Variants in SYN3 observed in about 807,000 individuals in gnomAD.
SYN3 encodes synapsin III.
In SYN3, 35 loss-of-function variants were observed where a neutral mutation model predicts 65.8. The observed-to-expected ratio is 0.53, with a 90% CI of 0.41 to 0.70. The LOEUF is 0.70. SYN3 is among the 30% of genes least tolerant of loss of function. The probability of loss-of-function intolerance (pLI) is 0.00; values close to 1 mark genes in which losing one functional copy is unlikely to be tolerated. For synonymous variants in SYN3, 270 were observed against 292.9 expected (o/e 0.92, Z 0.80); for missense variants, 680 against 749.0 (o/e 0.91, Z 1.08).
intron 10 of SYN3, among the ~76,000 whole-genome samples, chr22:32,531,857 G>C (rs2058076342): frequency 6.8e-6 from 1 of 147,808 alleles, no homozygotes; most frequent in Non-Finnish European, 1.5e-5. Flanking sequence ...GAACATTCTT[G>C]GGAGACGTTG....
intron 6 of SYN3, among the ~76,000 whole-genome samples, chr22:32,635,981 A>G (rs950265985): frequency 2.0e-5 from 3 of 152,140 alleles, no homozygotes; most frequent in Non-Finnish European, 2.9e-5. Flanking sequence ...AACTCTACAT[A>G]CGTATTTTTT....
chr22:32,805,650 A>G (rs931092086), intron 6 of SYN3, among the ~76,000 whole-genome samples: 1 of 101,544 alleles, frequency 9.8e-6, no homozygotes, highest in African/African-American at 3.9e-5. Flanking sequence ...CAGCAACCTT[A>G]AGAGTAGGTA....
chr22:32,813,780 G>A (rs2046980845), intron 6 of SYN3, among the ~76,000 whole-genome samples: 1 of 151,786 alleles, frequency 6.6e-6, no homozygotes, highest in South Asian at 2.1e-4. Flanking sequence ...CTAGTTGCCT[G>A]TCCCTGGACA....
At chr22:32,679,489 A>G (rs2060493190) in intron 6 of SYN3, among the ~76,000 whole-genome samples, 3 of 152,194 alleles carry the variant, frequency 2.0e-5, no homozygotes, top group Admixed American at 2.0e-4. Flanking sequence ...TTTTGGATAT[A>G]TATCCAGAAG....
chr22:32,992,518 A>C (rs1239766355), intron 2 of SYN3, among the ~76,000 whole-genome samples: 1 of 152,168 alleles, frequency 6.6e-6, no homozygotes. Flanking sequence ...ACACCACTTA[A>C]AAAATTCATC....
chr22:32,950,829 C>T (rs564910824), intron 3 of SYN3, among the ~76,000 whole-genome samples: 7 of 152,180 alleles, frequency 4.6e-5, no homozygotes, highest in African/African-American at 1.2e-4. Context: ...GGTGATTTGC[C>T]GTTCCTCCTT....
At chr22:32,670,516 C>T (rs130738) in intron 6 of SYN3, among the ~76,000 whole-genome samples, 94,632 of 152,110 alleles carry the variant, frequency 0.62, 29,980 homozygotes, top group African/African-American at 0.74. Context: ...GGATCCTCTG[C>T]TGTCTTTTAA....
chr22:32,986,424 TGTTTACTGCA>T (rs1271589982), intron 2 of SYN3, among the ~76,000 whole-genome samples: 9 of 152,308 alleles, frequency 5.9e-5, no homozygotes, highest in African/African-American at 2.2e-4. Context: ...ATCTCTGGAA[TGTTTACTGCA>T]GGGCCTGGCA....
intron 3 of SYN3, among the ~76,000 whole-genome samples, chr22:32,945,923 C>T (rs528592874): frequency 2.8e-4 from 43 of 152,250 alleles, no homozygotes; most frequent in African/African-American, 9.9e-4. Context: ...TTTATGCAGC[C>T]AACAGACACA....
At chr22:32,820,290 T>TG (rs1485164263) in intron 6 of SYN3, among the ~76,000 whole-genome samples, 2 of 144,656 alleles carry the variant, frequency 1.4e-5, no homozygotes, top group Non-Finnish European at 3.1e-5. Context: ...GTGTGTGTGG[T>TG]GTGTGTGGTG....
chr22:33,043,039 T>C (rs1037059146), intron 1 of SYN3, among the ~76,000 whole-genome samples: 12 of 152,160 alleles, frequency 7.9e-5, no homozygotes, highest in Admixed American at 2.0e-4. Flanking sequence ...ATAGAAAGTT[T>C]CAACCCAAGG....
intron 7 of SYN3, among the ~76,000 whole-genome samples, chr22:32,569,588 T>A (rs13055183): frequency 0.016 from 1,785 of 109,824 alleles, 29 homozygotes; most frequent in Non-Finnish European, 0.028. Flanking sequence ...TATATATATA[T>A]AAAATCTATC....
intron 6 of SYN3, among the ~76,000 whole-genome samples, chr22:32,697,123 A>C (rs1385806079): frequency 1.3e-5 from 2 of 152,216 alleles, no homozygotes; most frequent in African/African-American, 4.8e-5. Context: ...ACATGTATGA[A>C]GGAGCCTGCC....
At chr22:32,583,221 T>C (rs1364087560) in intron 7 of SYN3, 2 of 152,258 alleles carry the variant, frequency 1.3e-5, no homozygotes, top group Admixed American at 6.5e-5. Context: ...GTCTGCATCA[T>C]CTGTGGTCTT....
intron 6 of SYN3, among the ~76,000 whole-genome samples, chr22:32,831,265 G>A (rs74530962): frequency 6.5e-4 from 99 of 152,312 alleles, no homozygotes; most frequent in African/African-American, 2.2e-3. Context: ...AGCCATCCAA[G>A]GTGCTCTGCC....
intron 12 of SYN3, among the ~76,000 whole-genome samples, chr22:32,521,641 T>G (rs2057885489): frequency 6.6e-6 from 1 of 151,876 alleles, no homozygotes; most frequent in African/African-American, 2.4e-5. Flanking sequence ...AGAGACAGGG[T>G]TTCCCCATAT....
chr22:32,587,612 C>T (rs2146536329), intron 7 of SYN3, among the ~76,000 whole-genome samples: 1 of 152,306 alleles, frequency 6.6e-6, no homozygotes, highest in East Asian at 1.9e-4. Context: ...GGGCCACTGA[C>T]TCCCACTCCA....
chr22:32,643,907 T>C (rs964366204), intron 6 of SYN3, among the ~76,000 whole-genome samples: 1 of 151,076 alleles, frequency 6.6e-6, no homozygotes, highest in Non-Finnish European at 1.5e-5. Context: ...CTGGCCAACA[T>C]GAAGAAACCA....
At chr22:32,539,463 G>T (rs908716693) in intron 8 of SYN3, among the ~76,000 whole-genome samples, 1 of 151,560 alleles carries the variant, frequency 6.6e-6, no homozygotes, top group Admixed American at 6.6e-5. Context: ...GCTTCATAGG[G>T]ATGTGGATGG....
Sources: allele counts gnomAD v4.1 joint callset (sites outside exome capture counted in the v4.1 genomes callset), GRCh38; gene constraint gnomAD v4.1.1; transcripts MANE v1.5; gene names NCBI Gene and HGNC (gene_info 2026-07-23, HGNC 2026-07-21).